The following STK32A variants were observed in gnomAD, a reference collection of about 807,000 sequenced individuals.
The protein encoded by STK32A is serine/threonine kinase 32A.
In STK32A, 41 loss-of-function variants were observed where a neutral mutation model predicts 53.2. The ratio of observed to expected loss-of-function variants is 0.77; its 90% confidence interval spans 0.60 to 1.00. The LOEUF is 1.00. Ranked by LOEUF, STK32A falls within the 50% of genes least tolerant of loss-of-function variation. STK32A has a pLI of 0.00. For missense variants in STK32A, 458 were observed against 485.8 expected, an observed-to-expected ratio of 0.94 and a Z score of 0.54; for synonymous variants, 166 against 162.8, an observed-to-expected ratio of 1.02 and a Z score of -0.15.
At chr5:147,363,792 T>C (rs1324077463) in intron 8 of STK32A, among the ~76,000 whole-genome samples, 1 of 152,224 alleles carries the variant, frequency 6.6e-6, no homozygotes, top group Non-Finnish European at 1.5e-5. Context: ...TTCTGCAATA[T>C]GGATAGAAAT....
chr5:147,314,740 C>CTTTTTTTTTTTT (rs780298418), intron 4 of STK32A, among the ~76,000 whole-genome samples: 1 of 136,034 alleles, frequency 7.4e-6, no homozygotes, highest in African/African-American at 2.7e-5. Flanking sequence ...CTTTCTTTTT[C>CTTTTTTTTTTTT]TTTTTTTTTT....
At chr5:147,302,516 T>C (rs2151966693) in intron 4 of STK32A, among the ~76,000 whole-genome samples, 1 of 152,358 alleles carries the variant, frequency 6.6e-6, no homozygotes, top group African/African-American at 2.4e-5. Flanking sequence ...AAAGTGGTCT[T>C]TTTCTTTTGA....
chr5:147,248,067 GC>G (rs1282489356), intron 2 of STK32A, among the ~76,000 whole-genome samples: 3 of 145,784 alleles, frequency 2.1e-5, no homozygotes, highest in African/African-American at 7.8e-5. Context: ...GTTGCGGTGA[GC>G]CCAGATTGCA....
chr5:147,315,654 A>C (rs1363448120), intron 4 of STK32A, among the ~76,000 whole-genome samples: 1 of 152,208 alleles, frequency 6.6e-6, no homozygotes, highest in African/African-American at 2.4e-5. Context: ...GACAGTGGTG[A>C]TGGTTGTAGA....
chr5:147,315,976 C>T (rs909931629), intron 4 of STK32A, among the ~76,000 whole-genome samples: 2 of 152,066 alleles, frequency 1.3e-5, no homozygotes, highest in Admixed American at 6.6e-5. Context: ...TGTGGCATAA[C>T]CACACAAAAA....
At chr5:147,298,544 G>A (rs1343082687) in intron 4 of STK32A, among the ~76,000 whole-genome samples, 11 of 152,150 alleles carry the variant, frequency 7.2e-5, no homozygotes, top group East Asian at 1.9e-4. Context: ...AGTATGAATC[G>A]AGCTAGCATT....
chr5:147,296,654 C>T (rs1180100656), intron 4 of STK32A, among the ~76,000 whole-genome samples: 1 of 152,080 alleles, frequency 6.6e-6, no homozygotes, highest in African/African-American at 2.4e-5. Flanking sequence ...ACCTACTGAT[C>T]ATCAGTTTCA....
At chr5:147,335,262 G>A (rs1211981665) in intron 5 of STK32A, among the ~76,000 whole-genome samples, 1 of 152,184 alleles carries the variant, frequency 6.6e-6, no homozygotes, top group African/African-American at 2.4e-5. Flanking sequence ...GTGGAGGGCT[G>A]AGTCTCAGAA....
intron 12 of STK32A, 36 bp from the exon 13 acceptor site, chr5:147,383,854 A>G: frequency 7.2e-7 from 1 of 1,397,378 alleles, no homozygotes; most frequent in Non-Finnish European, 9.7e-7. Flanking sequence ...TATTTTTCAA[A>G]GAATAAAACA....
chr5:147,239,851 T>A (rs1437748133), intron 2 of STK32A, 165 bp downstream of exon 2: 8 of 590,106 alleles, frequency 1.4e-5, no homozygotes, highest in Non-Finnish European at 3.0e-6. Context: ...ATAGCTAGGT[T>A]TTACCTTCCA....
chr5:147,350,456 G>T (rs574935868), intron 6 of STK32A, among the ~76,000 whole-genome samples: 1 of 151,850 alleles, frequency 6.6e-6, no homozygotes, highest in Non-Finnish European at 1.5e-5. Context: ...CTGCCTCCCA[G>T]GTTCATGTGA....
intron 4 of STK32A, among the ~76,000 whole-genome samples, chr5:147,311,948 G>A (rs1340793371): frequency 6.6e-6 from 1 of 152,056 alleles, no homozygotes; most frequent in Non-Finnish European, 1.5e-5. Context: ...AAGGGCAGAG[G>A]GGGAAACACA....
chr5:147,262,231 G>A (rs1331680054), intron 2 of STK32A, among the ~76,000 whole-genome samples: 1 of 152,104 alleles, frequency 6.6e-6, no homozygotes, highest in Non-Finnish European at 1.5e-5. Flanking sequence ...TGCCTCCAAA[G>A]CTCAAGGAGA....
chr5:147,399,201 C>A, the STK32A span: 2 of 1,614,186 alleles, frequency 1.2e-6, no homozygotes, highest in East Asian at 2.2e-5. Context: ...ATCTTGGCAG[C>A]GTTTGTGCTT....
chr5:147,367,267 T>G (rs755439244), intron 8 of STK32A, among the ~76,000 whole-genome samples: 1 of 152,122 alleles, frequency 6.6e-6, no homozygotes, highest in Non-Finnish European at 1.5e-5. Flanking sequence ...GGTCTTACCA[T>G]GTTGCCCAGG....
At chr5:147,256,478 G>A (rs1400315406) in intron 2 of STK32A, among the ~76,000 whole-genome samples, 1 of 152,102 alleles carries the variant, frequency 6.6e-6, no homozygotes, top group Non-Finnish European at 1.5e-5. Flanking sequence ...TGTCTTAGTT[G>A]CCAAAGTTTG....
At chr5:147,346,579 A>G (rs1193746791) in intron 6 of STK32A, among the ~76,000 whole-genome samples, 1 of 152,156 alleles carries the variant, frequency 6.6e-6, no homozygotes, top group African/African-American at 2.4e-5. Context: ...AATGTTTTTA[A>G]CTTAGAGCAC....
At chr5:147,309,152 A>G (rs1753567327) in intron 4 of STK32A, among the ~76,000 whole-genome samples, 1 of 152,130 alleles carries the variant, frequency 6.6e-6, no homozygotes. Context: ...GACTCAGGGC[A>G]CAGGTGAATG....
chr5:147,319,531 C>G (rs1754194607), intron 4 of STK32A, among the ~76,000 whole-genome samples: 1 of 151,932 alleles, frequency 6.6e-6, no homozygotes, highest in Non-Finnish European at 1.5e-5. Context: ...ATTAGGTGCA[C>G]AATACTAGTT....
Sources: allele counts gnomAD v4.1 joint callset (sites outside exome capture counted in the v4.1 genomes callset), GRCh38; gene constraint gnomAD v4.1.1; transcripts MANE v1.5; gene names NCBI Gene and HGNC (gene_info 2026-07-23, HGNC 2026-07-21).